RNF220: variants seen among roughly 807,000 people sequenced by gnomAD.
The protein encoded by RNF220 is ring finger protein 220.
In RNF220, 7 loss-of-function variants were observed where a neutral mutation model predicts 67.1. That is an observed-to-expected ratio of 0.10 (90% CI 0.06 to 0.20). RNF220 has a LOEUF of 0.20. RNF220 is among the 10% of genes least tolerant of loss of function. The pLI is 1.00. For missense variants in RNF220, 565 were observed against 740.3 expected, an observed-to-expected ratio of 0.76 and a Z score of 2.75; for synonymous variants, 270 against 283.2, an observed-to-expected ratio of 0.95 and a Z score of 0.47.
Position 44,650,187 on chromosome 1 carries a change from T to G in RNF220, c.1629+230T>G. 3 of 584,806 alleles carry G rather than the reference T, an allele frequency of 5.1e-6. No homozygotes were observed. Among genetic ancestry groups the G allele is most frequent in the East Asian group, 2.9e-5 (1 of 34,638 alleles). 36.2% of individuals were successfully genotyped at this position (584,806 alleles called of 1,614,324 possible). ...CTCCATGAGTTCACTGCATTCTCCC[T>G]TCCCCGCCCCGGTCCCCGAAGGCCC... On this transcript the variant is annotated intron_variant, in intron 14 of 14. Coordinates refer to ENST00000361799, the MANE Select transcript of RNF220 (RefSeq NM_018150.4). This position sits in a 1 kb window ranked among gnomAD's most constrained non-coding sequence, Gnocchi z 4.3.
intron 2 of RNF220, among the ~76,000 whole-genome samples, chr1:44,548,539 G>A (rs1038057555): frequency 3.9e-5 from 6 of 151,994 alleles, no homozygotes; most frequent in African/African-American, 1.5e-4. Flanking sequence ...TGTCACTGAG[G>A]CTGGAATGCA....
Position 44,411,975 on chromosome 1 carries a change from C to T in RNF220, c.-117-6C>T. ...CCTTCTTTTTTTCTCTTTGCTGTTT[C>T]TACAGGTCTTAGGAGGGAATGATTC... On this transcript the variant is annotated splice_polypyrimidine_tract_variant and splice_region_variant and intron_variant, in intron 1 of 14. Transcript: ENST00000361799. The T allele has an allele frequency of 4.6e-6, 5 of 1,097,238 alleles. No homozygotes were observed. Among genetic ancestry groups the T allele is most frequent in the African/African-American group, 1.6e-5 (1 of 63,156 alleles). 68.0% of individuals were successfully genotyped at this position (1,097,238 alleles called of 1,614,324 possible).
chr1:44,610,179 C>T (rs1018494710), intron 2 of RNF220, among the ~76,000 whole-genome samples: 13 of 152,318 alleles, frequency 8.5e-5, no homozygotes, highest in Middle Eastern at 3.4e-3. Context: ...GGGCGTTCCC[C>T]CCACGCACTC....
At chr1:44,632,497 CT>C in intron 6 of RNF220, 112 bp downstream of exon 6, 1 of 1,012,660 alleles carries the variant, frequency 9.9e-7, no homozygotes, top group Non-Finnish European at 1.5e-6. Context: ...GGCCCGTTGG[CT>C]TCTTCGCAGT....
chr1:44,512,918 A>G (rs938025891), intron 2 of RNF220, among the ~76,000 whole-genome samples: 14 of 152,154 alleles, frequency 9.2e-5, no homozygotes, highest in African/African-American at 3.1e-4. Context: ...GAGAGCAAGG[A>G]TTAGGAACAT....
intron 2 of RNF220, among the ~76,000 whole-genome samples, chr1:44,549,372 C>T (rs552887228): frequency 2.2e-4 from 33 of 152,316 alleles, no homozygotes; most frequent in African/African-American, 7.7e-4. Context: ...GCAGAGCGCA[C>T]ATGAGGAACT....
At chr1:44,429,114 G>A (rs991656123) in intron 2 of RNF220, among the ~76,000 whole-genome samples, 50 of 151,384 alleles carry the variant, frequency 3.3e-4, no homozygotes, top group African/African-American at 1.2e-3. Context: ...TGCCACTTGT[G>A]GATTTTTTTT....
At chr1:44,528,891 G>C (rs1003571976) in intron 2 of RNF220, among the ~76,000 whole-genome samples, 4 of 152,192 alleles carry the variant, frequency 2.6e-5, no homozygotes, top group Non-Finnish European at 4.4e-5. Flanking sequence ...TGGGATTACA[G>C]GCATGAGCCA....
At chr1:44,574,031 T>C (rs945083405) in intron 2 of RNF220, among the ~76,000 whole-genome samples, 1 of 152,108 alleles carries the variant, frequency 6.6e-6, no homozygotes, top group African/African-American at 2.4e-5. Flanking sequence ...GGTGGGAGCA[T>C]CACCTGAGCC....
At chr1:44,507,273 A>G (rs1245209757) in intron 2 of RNF220, among the ~76,000 whole-genome samples, 8 of 152,146 alleles carry the variant, frequency 5.3e-5, no homozygotes, top group South Asian at 4.1e-4. Context: ...CTCCTTGGCT[A>G]CAATGGAGGG....
At chr1:44,486,974 T>C (rs997041482) in intron 2 of RNF220, among the ~76,000 whole-genome samples, 3 of 152,234 alleles carry the variant, frequency 2.0e-5, no homozygotes, top group African/African-American at 7.2e-5. Flanking sequence ...ACTATTATTA[T>C]AAGTAACACA....
chr1:44,583,989 A>G (rs1020760542), intron 2 of RNF220, among the ~76,000 whole-genome samples: 6 of 152,248 alleles, frequency 3.9e-5, no homozygotes, highest in Admixed American at 3.3e-4. Flanking sequence ...ATCCAATGCT[A>G]GTTCCTTTAC....
At chr1:44,633,752 G>C (rs1644241966) in intron 6 of RNF220, among the ~76,000 whole-genome samples, 1 of 152,188 alleles carries the variant, frequency 6.6e-6, no homozygotes, top group Non-Finnish European at 1.5e-5. Flanking sequence ...AGGCATGGTA[G>C]GGAGGAAGCT....
chr1:44,491,042 A>G (rs12077687), intron 2 of RNF220, among the ~76,000 whole-genome samples: 10,897 of 152,228 alleles, frequency 0.072, 458 homozygotes, highest in African/African-American at 0.12. Context: ...CAAGAAGAAG[A>G]AAAATCTGCA....
At chr1:44,581,971 A>G (rs1665314660) in intron 2 of RNF220, among the ~76,000 whole-genome samples, 1 of 152,242 alleles carries the variant, frequency 6.6e-6, no homozygotes, top group Non-Finnish European at 1.5e-5. Context: ...CAGCACCAGC[A>G]TCTATGCCTC....
intron 2 of RNF220, among the ~76,000 whole-genome samples, chr1:44,589,450 T>TA (rs1254035233): frequency 6.6e-6 from 1 of 151,892 alleles, no homozygotes; most frequent in African/African-American, 2.4e-5. Context: ...CCGTCTCTAC[T>TA]AAAAATACGA....
At position 44,554,615 on chromosome 1, in the gene RNF220, G is replaced by T. The variant is rs139974854; in HGVS notation, c.626-59550G>T. 2.7e-3 allele frequency among the ~76,000 whole-genome samples: 412 copies of T among 152,184 alleles called. 3 individuals are homozygous for T. The highest frequency in any genetic ancestry group is 9.1e-3 in the African/African-American group (378 of 41,516). ...GGAATCAGCTGAGAAGAGAATGGAG[G>T]GTCAGGAAGATCTACCCTTTCCCTA... On this transcript the variant is annotated intron_variant, in intron 2 of 14. Coordinates refer to ENST00000361799, the MANE Select transcript of RNF220 (RefSeq NM_018150.4).
intron 9 of RNF220, 60 bp downstream of exon 9, chr1:44,644,854 A>G: frequency 3.2e-6 from 5 of 1,545,780 alleles, no homozygotes; most frequent in Non-Finnish European, 3.6e-6. Context: ...GGGAATAAGA[A>G]AAGTAGCTCT....
At chr1:44,632,810 A>C in intron 6 of RNF220, 1 of 190,256 alleles carries the variant, frequency 5.3e-6, no homozygotes, top group Non-Finnish European at 1.1e-5. Flanking sequence ...ACTTGACAAT[A>C]CAGTGAGATC....
Sources: gnomAD v4.1 joint callset for allele counts (sites outside exome capture counted in the v4.1 genomes callset) on GRCh38, gnomAD v4.1.1 for gene constraint, Gnocchi (gnomAD v3.1) non-coding constraint, MANE v1.5 for transcripts, NCBI Gene and HGNC (gene_info 2026-07-23, HGNC 2026-07-21) for gene names.